The following LIMCH1 variants were observed in gnomAD, a reference collection of about 807,000 sequenced individuals.
The protein encoded by LIMCH1 is LIM and calponin homology domains-containing protein 1.
LIMCH1 carries 113 observed loss-of-function variants against 176.5 expected under a neutral mutation model. The observed-to-expected ratio is 0.64, with a 90% CI of 0.55 to 0.75. LIMCH1 has a LOEUF of 0.75. LIMCH1 is among the 30% of genes least tolerant of loss of function. LIMCH1 has a pLI of 0.00. For synonymous variants in LIMCH1, 619 were observed against 645.9 expected, an observed-to-expected ratio of 0.96 and a Z score of 0.63; for missense variants, 1,674 against 1,814.9, an observed-to-expected ratio of 0.92 and a Z score of 1.41.
chr4:41,420,360 C>T (rs2060506424), intron 1 of LIMCH1, among the ~76,000 whole-genome samples: 1 of 152,108 alleles, frequency 6.6e-6, no homozygotes, highest in Admixed American at 6.5e-5. Flanking sequence ...TTGAAGTATT[C>T]ATCATATCAT....
Position 41,697,190 on chromosome 4 carries a change from G to A in LIMCH1, c.*5G>A. On this transcript the variant is annotated 3_prime_UTR_variant, in exon 32 of 32. Transcript: ENST00000503057. ...GGGCAGCCTACAACATTGTGACACG[G>A]CTTTCAAGCTTCCGGATCACTCACC... 1 of 1,613,416 alleles carries A rather than the reference G, an allele frequency of 6.2e-7. No homozygotes were observed. Among genetic ancestry groups the A allele is most frequent in the Non-Finnish European group, 8.5e-7 (1 of 1,179,468 alleles).
chr4:41,636,412 T>C (rs1183645133), intron 13 of LIMCH1, among the ~76,000 whole-genome samples: 1 of 147,652 alleles, frequency 6.8e-6, no homozygotes, highest in African/African-American at 2.5e-5. Context: ...GGAAAGTCAC[T>C]TGACACCTCA....
chr4:41,480,091 T>C (rs926643793), intron 1 of LIMCH1, among the ~76,000 whole-genome samples: 1 of 152,032 alleles, frequency 6.6e-6, no homozygotes, highest in African/African-American at 2.4e-5. Flanking sequence ...GTACTAAGTG[T>C]CCTATTAGAT....
intron 1 of LIMCH1, among the ~76,000 whole-genome samples, chr4:41,452,517 T>C (rs550254088): frequency 6.6e-6 from 1 of 152,366 alleles, no homozygotes; most frequent in African/African-American, 2.4e-5. Flanking sequence ...TCATCAACAC[T>C]GGGCTTTGTT....
intron 3 of LIMCH1, among the ~76,000 whole-genome samples, chr4:41,526,233 T>A (rs2076638107): frequency 6.6e-6 from 1 of 151,278 alleles, no homozygotes; most frequent in African/African-American, 2.4e-5. Context: ...TTCATTTGGA[T>A]TTCCTTTTCA....
At chr4:41,530,090 A>AGGGTCCC (rs2077094905) in intron 3 of LIMCH1, among the ~76,000 whole-genome samples, 1 of 152,228 alleles carries the variant, frequency 6.6e-6, no homozygotes, top group Admixed American at 6.5e-5. Flanking sequence ...GCTTTAGTTT[A>AGGGTCCC]TGAAAACTGA....
chr4:41,366,655 G>A (rs773774646), intron 1 of LIMCH1, among the ~76,000 whole-genome samples: 1 of 150,884 alleles, frequency 6.6e-6, no homozygotes, highest in Admixed American at 6.6e-5. Flanking sequence ...ATAATATAGG[G>A]GAAAAATAGT....
In LIMCH1 at chr4:41,646,115, C is replaced by T; in HGVS notation, c.2254-8C>T. ...AAGAAGAATATTATATCTTTCTTTCCCTGCCAGGACCTGGCTCGTTGGAAG... is the reference window on the plus strand; with the variant it reads ...AAGAAGAATATTATATCTTTCTTTCTCTGCCAGGACCTGGCTCGTTGGAAG... On this transcript the variant is annotated splice_region_variant and splice_polypyrimidine_tract_variant and intron_variant, in intron 15 of 31. Coordinates refer to ENST00000503057, the MANE Select transcript of LIMCH1 (RefSeq NM_001330672.2). 6.3e-7 allele frequency: 1 copy of T among 1,596,474 alleles called. No individual in the cohort carries two copies.
At position 41,514,005 on chromosome 4, in the gene LIMCH1, TAAAAAAAAAAAAAAAAAAAAAAAAAAAAA is replaced by T. The variant is rs71198665; in HGVS notation, c.168-10390_168-10362del. 1.6e-4 allele frequency among the ~76,000 whole-genome samples: 8 copies of T among 48,514 alleles called. No homozygotes were observed. The South Asian group carries it at 3.9e-3, about 24-fold the overall frequency. The allele number at this position is 48,514 out of a possible 152,430, so 31.8% of individuals were successfully genotyped here. A position where few individuals can be genotyped will look rare whatever the true frequency, so the allele number is the denominator to read the frequency against. On this transcript the variant is annotated intron_variant, in intron 2 of 26. Transcript: ENST00000313860. ...TGGGTGATAGAGAGAGACTCCGTCTTAAAAAAAAAAAAAAAAAAAAAAAAAAAAAAAAAAAAAAAAAATTATTAACGACA... is the reference window on the plus strand; with the variant it reads ...TGGGTGATAGAGAGAGACTCCGTCTTAAAAAAAAAAAAATTATTAACGACA...
chr4:41,441,524 G>A (rs2062701599), intron 1 of LIMCH1, among the ~76,000 whole-genome samples: 1 of 151,900 alleles, frequency 6.6e-6, no homozygotes, highest in Admixed American at 6.6e-5. Flanking sequence ...AGTGGAATTT[G>A]CATTAAATAT....
intron 2 of LIMCH1, among the ~76,000 whole-genome samples, chr4:41,510,658 G>A (rs890222305): frequency 6.6e-6 from 1 of 151,950 alleles, no homozygotes; most frequent in East Asian, 1.9e-4. Context: ...GCACGATCTC[G>A]GCTTGCTGCA....
At chr4:41,454,940 ATG>A (rs761501125) in intron 1 of LIMCH1, among the ~76,000 whole-genome samples, 7,304 of 130,844 alleles carry the variant, frequency 0.056, 218 homozygotes, top group Admixed American at 0.13. Context: ...GTATGCGTAC[ATG>A]TGTGTGTGTG....
chr4:41,389,798 GT>G (rs2056992177), intron 1 of LIMCH1, among the ~76,000 whole-genome samples: 1 of 152,166 alleles, frequency 6.6e-6, no homozygotes, highest in Non-Finnish European at 1.5e-5. Flanking sequence ...GGCTAGTCAG[GT>G]TGGAAACCAC....
chr4:41,563,246 A>G (rs2082293495), intron 1 of LIMCH1, among the ~76,000 whole-genome samples: 1 of 152,124 alleles, frequency 6.6e-6, no homozygotes. Context: ...CTTGATGGTA[A>G]TATATTCAAG....
At chr4:41,378,680 G>T (rs1318381121) in intron 1 of LIMCH1, among the ~76,000 whole-genome samples, 3 of 152,068 alleles carry the variant, frequency 2.0e-5, no homozygotes, top group Non-Finnish European at 4.4e-5. Flanking sequence ...AGGTGATGAT[G>T]GCAACATCAG....
chr4:41,499,420 G>A (rs188167265), intron 2 of LIMCH1, among the ~76,000 whole-genome samples: 3 of 152,224 alleles, frequency 2.0e-5, no homozygotes, highest in East Asian at 3.9e-4. Context: ...ATTATCCTCC[G>A]TAACCATTCA....
rs775848174 is a variant in LIMCH1, at chr4:41,697,188, C to T, written c.*3C>T. On this transcript the variant is annotated 3_prime_UTR_variant, in exon 32 of 32. Coordinates refer to ENST00000503057, the MANE Select transcript of LIMCH1 (RefSeq NM_001330672.2). The stretch of plus-strand genomic sequence containing the variant: ...CCGGGCAGCCTACAACATTGTGACA[C>T]GGCTTTCAAGCTTCCGGATCACTCA... 4.2e-5 allele frequency: 68 copies of T among 1,613,246 alleles called. No individual in the cohort carries two copies. Among genetic ancestry groups the T allele is most frequent in the Middle Eastern group, 1.6e-4 (1 of 6,082 alleles).
At chr4:41,615,282 A>C (rs1271226808) in intron 5 of LIMCH1, among the ~76,000 whole-genome samples, 1 of 152,138 alleles carries the variant, frequency 6.6e-6, no homozygotes, top group Admixed American at 6.5e-5. Context: ...GTAGATTATC[A>C]TTATTTATCA....
intron 3 of LIMCH1, among the ~76,000 whole-genome samples, chr4:41,532,376 C>CCCTACTGAATGTGGAATAAAATCCA (rs1282024945): frequency 2.0e-5 from 3 of 152,082 alleles, no homozygotes; most frequent in African/African-American, 7.2e-5. Context: ...TTATATGGCT[C>CCCTACTGAATGTGGAATAAAATCCA]CCTACTGAAT....
Sources: gnomAD v4.1 joint callset for allele counts (sites outside exome capture counted in the v4.1 genomes callset) on GRCh38, gnomAD v4.1.1 for gene constraint, MANE v1.5 for transcripts, NCBI Gene and HGNC (gene_info 2026-07-23, HGNC 2026-07-21) for gene names.